The following CPA6 variants were observed in gnomAD, a reference collection of about 807,000 sequenced individuals.
CPA6 encodes carboxypeptidase B.
In CPA6, 58 loss-of-function variants were observed where a neutral mutation model predicts 63.3. The observed-to-expected ratio is 0.92, with a 90% confidence interval of 0.74 to 1.14. CPA6 has a LOEUF of 1.14. Ranked by LOEUF, CPA6 falls within the 50% of genes most tolerant of loss-of-function variation. The pLI, the probability that CPA6 is intolerant of heterozygous loss-of-function variation, is 0.00. For missense variants in CPA6, 565 were observed against 526.6 expected, an observed-to-expected ratio of 1.07 and a Z score of -0.71; for synonymous variants, 185 against 179.0, an observed-to-expected ratio of 1.03 and a Z score of -0.27.
At chr8:67,461,481 A>C (rs1315337963) in intron 8 of CPA6, among the ~76,000 whole-genome samples, 5 of 151,722 alleles carry the variant, frequency 3.3e-5, no homozygotes, top group Non-Finnish European at 7.4e-5. Flanking sequence ...AGACACGGCA[A>C]CCATCCGATT....
At chr8:67,454,389 T>C (rs535035235) in intron 8 of CPA6, among the ~76,000 whole-genome samples, 1 of 152,304 alleles carries the variant, frequency 6.6e-6, no homozygotes, top group African/African-American at 2.4e-5. Flanking sequence ...GCCTTAGTTA[T>C]GTAGATTCTG....
At chr8:67,632,039 C>T (rs556900688) in intron 1 of CPA6, among the ~76,000 whole-genome samples, 1 of 152,254 alleles carries the variant, frequency 6.6e-6, no homozygotes, top group East Asian at 1.9e-4. Context: ...TCAGTGAGAC[C>T]AAGAACCCAC....
At chr8:67,685,103 T>A (rs1266060505) in intron 1 of CPA6, among the ~76,000 whole-genome samples, 1 of 152,178 alleles carries the variant, frequency 6.6e-6, no homozygotes, top group Non-Finnish European at 1.5e-5. Flanking sequence ...TTTCTTACCA[T>A]CCTACAACAA....
At chr8:67,739,740 A>T (rs1178465204) in intron 1 of CPA6, among the ~76,000 whole-genome samples, 1 of 152,198 alleles carries the variant, frequency 6.6e-6, no homozygotes, top group African/African-American at 2.4e-5. Context: ...GAGGCCTTGA[A>T]AGCCATGCAG....
intron 2 of CPA6, among the ~76,000 whole-genome samples, chr8:67,543,202 C>T (rs1812743052): frequency 1.3e-5 from 2 of 152,260 alleles, no homozygotes; most frequent in South Asian, 2.1e-4. Flanking sequence ...TACAGCAAAG[C>T]CACTTATATT....
At chr8:67,491,129 T>C (rs1282203810) in intron 6 of CPA6, among the ~76,000 whole-genome samples, 2 of 151,642 alleles carry the variant, frequency 1.3e-5, no homozygotes, top group African/African-American at 4.8e-5. Flanking sequence ...TGGTAAACAC[T>C]GCGGCACCAA....
chr8:67,474,215 T>A (rs1811123910), intron 8 of CPA6, among the ~76,000 whole-genome samples: 1 of 152,152 alleles, frequency 6.6e-6, no homozygotes, highest in South Asian at 2.1e-4. Context: ...GCAGCTTTTA[T>A]TTATTTTTAT....
At chr8:67,622,034 AT>A (rs1815095333) in intron 2 of CPA6, among the ~76,000 whole-genome samples, 1 of 152,196 alleles carries the variant, frequency 6.6e-6, no homozygotes. Flanking sequence ...CACAGATGTA[AT>A]TTTATTGCTT....
chr8:67,506,911 T>C (rs1811941606), intron 5 of CPA6, 23 bp from the exon 6 acceptor site: 1 of 1,530,586 alleles, frequency 6.5e-7, no homozygotes. Flanking sequence ...GCATTCACAG[T>C]AACCAACTCA....
intron 2 of CPA6, among the ~76,000 whole-genome samples, chr8:67,547,116 G>A (rs565763833): frequency 1.3e-5 from 2 of 152,134 alleles, no homozygotes; most frequent in Non-Finnish European, 2.9e-5. Flanking sequence ...GCGCCATCAC[G>A]GCTCACTGCA....
At chr8:67,511,722 G>GA (rs1407704893) in intron 3 of CPA6, 67 bp from the exon 4 acceptor site, 20 of 871,606 alleles carry the variant, frequency 2.3e-5, no homozygotes, top group African/African-American at 2.0e-4. Context: ...GCAACACCCA[G>GA]AAAAAATCAT....
intron 8 of CPA6, among the ~76,000 whole-genome samples, chr8:67,458,318 T>G (rs1262536886): frequency 6.6e-6 from 1 of 152,094 alleles, no homozygotes; most frequent in Non-Finnish European, 1.5e-5. Context: ...TGCCTCACCC[T>G]CCCTGAGTAG....
intron 2 of CPA6, among the ~76,000 whole-genome samples, chr8:67,573,221 G>T (rs970759063): frequency 1.3e-5 from 2 of 152,148 alleles, no homozygotes; most frequent in African/African-American, 2.4e-5. Flanking sequence ...ACAAGGCAAG[G>T]ATGTTCATTC....
intron 1 of CPA6, among the ~76,000 whole-genome samples, chr8:67,741,595 C>T (rs537480756): frequency 6.6e-6 from 1 of 152,298 alleles, no homozygotes; most frequent in East Asian, 1.9e-4. Flanking sequence ...TCCTGTCGAT[C>T]ATCAGTAGCA....
At chr8:67,740,883 C>CA (rs202177742) in intron 1 of CPA6, among the ~76,000 whole-genome samples, 3,496 of 151,752 alleles carry the variant, frequency 0.023, 63 homozygotes, top group Non-Finnish European at 0.036. Context: ...AACTACTTTT[C>CA]AAAAAAAATC....
At chr8:67,472,758 G>A (rs939957212) in intron 8 of CPA6, among the ~76,000 whole-genome samples, 1 of 152,084 alleles carries the variant, frequency 6.6e-6, no homozygotes, top group Non-Finnish European at 1.5e-5. Context: ...TGTTTGTAAT[G>A]TCATTATCAA....
chr8:67,527,774 G>T (rs1812395265), intron 2 of CPA6, among the ~76,000 whole-genome samples: 1 of 152,200 alleles, frequency 6.6e-6, no homozygotes, highest in Non-Finnish European at 1.5e-5. Context: ...TTCAACCCAT[G>T]TGCTGAAAGA....
At chr8:67,724,333 T>C (rs1817557152) in intron 1 of CPA6, among the ~76,000 whole-genome samples, 1 of 152,190 alleles carries the variant, frequency 6.6e-6, no homozygotes, top group South Asian at 2.1e-4. Context: ...CTCACATACC[T>C]CCTAATCACA....
chr8:67,565,900 C>A (rs1263933636), intron 2 of CPA6, among the ~76,000 whole-genome samples: 1 of 152,172 alleles, frequency 6.6e-6, no homozygotes, highest in Non-Finnish European at 1.5e-5. Context: ...ATGCCTCCTG[C>A]AAATACTTGG....
Sources: gnomAD v4.1 joint callset for allele counts (sites outside exome capture counted in the v4.1 genomes callset) on GRCh38, gnomAD v4.1.1 for gene constraint, MANE v1.5 for transcripts, NCBI Gene and HGNC (gene_info 2026-07-23, HGNC 2026-07-21) for gene names.